Variants in HNF4A observed in about 807,000 individuals in gnomAD.
HNF4A encodes the protein hepatocyte nuclear factor 4-alpha.
A neutral mutation model predicts 52.4 loss-of-function variants in HNF4A; 15 were observed. The ratio of observed to expected loss-of-function variants is 0.29; its 90% confidence interval spans 0.19 to 0.44. The LOEUF is 0.44. HNF4A is among the 20% of genes least tolerant of loss of function. The pLI is 1.00. For missense variants in HNF4A, 479 were observed against 647.2 expected (o/e 0.74, Z 2.82); for synonymous variants, 280 against 264.4 (o/e 1.06, Z -0.57).
intron 1 of HNF4A, among the ~76,000 whole-genome samples, chr20:44,363,993 A>G (rs1445726797): frequency 6.6e-6 from 1 of 151,716 alleles, no homozygotes; most frequent in Non-Finnish European, 1.5e-5. Flanking sequence ...CCCAGCCTCC[A>G]TTTCCTCTTT....
intron 2 of HNF4A, 86 bp downstream of exon 2, chr20:44,406,318 T>A (rs1282673907): frequency 2.4e-6 from 3 of 1,243,906 alleles, no homozygotes; most frequent in Non-Finnish European, 3.4e-6. Flanking sequence ...AGTGGGTAGG[T>A]CCCAGAGACA....
At chr20:44,397,306 A>C (rs1395903056), upstream of HNF4A, among the ~76,000 whole-genome samples, 1 of 152,110 alleles carries the variant, frequency 6.6e-6, no homozygotes, top group Non-Finnish European at 1.5e-5. Flanking sequence ...TCTTTTTTCC[A>C]CTAGTTAAAA....
At chr20:44,407,278 G>A in intron 2 of HNF4A, 103 bp from the exon 3 acceptor site, 1 of 821,782 alleles carries the variant, frequency 1.2e-6, no homozygotes, top group Non-Finnish European at 2.1e-6. Context: ...GAAGAGATGA[G>A]AGCACTGAGG....
At chr20:44,428,517 A>G in intron 9 of HNF4A, 30 bp downstream of exon 9, 1 of 1,608,050 alleles carries the variant, frequency 6.2e-7, no homozygotes, top group Non-Finnish European at 8.5e-7. Context: ...TTACCTTGCA[A>G]AGGGTGAGGA....
chr20:44,413,936 G>T, intron 4 of HNF4A, 136 bp downstream of exon 4: 1 of 707,436 alleles, frequency 1.4e-6, no homozygotes. Context: ...AAGGGACACT[G>T]AGTCCGGTTT....
At chr20:44,371,054 G>A (rs899403026) in intron 1 of HNF4A, among the ~76,000 whole-genome samples, 1 of 152,152 alleles carries the variant, frequency 6.6e-6, no homozygotes, top group Non-Finnish European at 1.5e-5. Flanking sequence ...GCCCTGCCCT[G>A]GGCAGAGCCA....
chr20:44,398,676 G>A (rs954225392), upstream of HNF4A, among the ~76,000 whole-genome samples: 7 of 152,346 alleles, frequency 4.6e-5, no homozygotes, highest in African/African-American at 1.4e-4. Flanking sequence ...CATGCAGATT[G>A]TGCATTTGGT....
At chr20:44,428,552 G>A in intron 9 of HNF4A, 65 bp downstream of exon 9, 1 of 1,500,314 alleles carries the variant, frequency 6.7e-7, no homozygotes, top group Non-Finnish European at 9.2e-7. Flanking sequence ...GGAGGCAGGA[G>A]AAAGTGGAGT....
intron 3 of HNF4A, among the ~76,000 whole-genome samples, chr20:44,409,786 C>G (rs2063554664): frequency 6.6e-6 from 1 of 151,944 alleles, no homozygotes; most frequent in Non-Finnish European, 1.5e-5. Context: ...CCTGACCTAC[C>G]TGCACAAGTC....
In HNF4A at chr20:44,405,011, CGT is replaced by C. The variant is rs2063476874; in HGVS notation, c.116-1039_116-1038del. Among the ~76,000 whole-genome samples, 5 of 48,750 alleles carry C rather than the reference CGT, an allele frequency of 1.0e-4. No homozygotes were observed. The Admixed American group carries it at 1.0e-3, about 10-fold the overall frequency. The allele number at this position is 48,750 out of a possible 152,430, so 32.0% of individuals were successfully genotyped here. A position where few individuals can be genotyped will look rare whatever the true frequency, so the allele number is the denominator to read the frequency against. On this transcript the variant is annotated intron_variant, in intron 1 of 9. Coordinates refer to ENST00000316099, the MANE Select transcript of HNF4A (RefSeq NM_000457.6). ...TGTGTGTGCTTGTGTGTGGTGTGTG[CGT>C]GTGTGTGGACTGTGTGGTGCGTGTG...
In HNF4A at chr20:44,429,528, C is replaced by A. The variant is rs1450200237; in HGVS notation, c.1288C>A (p.Pro430Thr). ...CTGTCTGTTTGTCCTTCCAGCCACC[C>A]CTGAGACCCCACAGCCCTCACCGCC... Residue 430 changes from proline to threonine, a missense_variant, in exon 10 of 10, where the codon CCT (proline) becomes ACT (threonine). Around this residue, in one of 3 missense-constraint regions of HNF4A, gnomAD observed 389 missense variants for 525.1 expected, o/e 0.74. Transcript: ENST00000316099. The A allele has an allele frequency of 6.2e-7, 1 of 1,614,126 alleles. No homozygotes were observed. The highest frequency in any genetic ancestry group is 1.1e-5 in the South Asian group (1 of 91,076).
rs764197818 is a variant in HNF4A at position 44,413,776 on chromosome 20, G to A, written c.468G>A (p.Leu156=). 7.4e-6 allele frequency: 12 copies of A among 1,613,342 alleles called. No homozygotes were observed. The highest frequency in any genetic ancestry group is 1.6e-4 in the Middle Eastern group (1 of 6,062). ...GCCTGCCCTCCATCAATGCGCTCCT[G>A]CAGGCGGAGGTCCTGTCCCGACAGG... Residue 156 remains leucine (L), a synonymous_variant, in exon 4 of 10, where the codon CTG becomes CTA. Coordinates refer to ENST00000316099, the MANE Select transcript of HNF4A (RefSeq NM_000457.6).
At chr20:44,378,773 G>C (rs2063115155) in intron 1 of HNF4A, among the ~76,000 whole-genome samples, 1 of 151,648 alleles carries the variant, frequency 6.6e-6, no homozygotes, top group South Asian at 2.1e-4. Context: ...AAAAAAATTA[G>C]CCGGGCGTGG....
At chr20:44,391,028 A>G (rs758739058) in intron 1 of HNF4A, among the ~76,000 whole-genome samples, 33 of 152,316 alleles carry the variant, frequency 2.2e-4, no homozygotes, top group Middle Eastern at 3.4e-3. Context: ...GAAGCAGGTC[A>G]AGAATCCAGA....
chr20:44,419,701 C>G lies in HNF4A; in HGVS notation c.737-20C>G. On this transcript the variant is annotated intron_variant, in intron 6 of 9. Transcript: ENST00000316099. ...AACCCAAGGTGACTTCCCATCCTCC[C>G]TCCCTCCCAACCCTTCCAGGCAATG... 1 of 1,611,130 alleles carries G rather than the reference C, an allele frequency of 6.2e-7. No homozygotes were observed. The highest frequency in any genetic ancestry group is 8.5e-7 in the Non-Finnish European group (1 of 1,178,366).
chr20:44,409,130 A>T (rs1373641751), intron 3 of HNF4A, among the ~76,000 whole-genome samples: 1 of 152,092 alleles, frequency 6.6e-6, no homozygotes, highest in Non-Finnish European at 1.5e-5. Context: ...GCTGATCCCG[A>T]TGCAGGAGTG....
chr20:44,424,665 C>T, intron 8 of HNF4A: 1 of 1,291,766 alleles, frequency 7.7e-7, no homozygotes. Context: ...AAGGAATCCT[C>T]TTTAGATAGG....
intron 6 of HNF4A, among the ~76,000 whole-genome samples, chr20:44,418,885 C>T (rs1174510566): frequency 6.6e-6 from 1 of 152,194 alleles, no homozygotes; most frequent in Non-Finnish European, 1.5e-5. Context: ...AAGCAATTCT[C>T]CTGCCTCACC....
At chr20:44,417,540 A>T (rs1190621713) in intron 5 of HNF4A, among the ~76,000 whole-genome samples, 1 of 152,122 alleles carries the variant, frequency 6.6e-6, no homozygotes. Context: ...TGCAATGTCG[A>T]TCCCTGGAGG....
Sources: allele counts gnomAD v4.1 joint callset (sites outside exome capture counted in the v4.1 genomes callset), GRCh38; gene constraint gnomAD v4.1.1; regional missense constraint gnomAD v4.1.1; transcripts MANE v1.5; gene names NCBI Gene and HGNC (gene_info 2026-07-23, HGNC 2026-07-21).